ACSS1: variants seen among roughly 807,000 people sequenced by gnomAD.
ACSS1 encodes the protein acetyl-coenzyme A synthetase 2-like, mitochondrial.
In ACSS1, 42 loss-of-function variants were observed where a neutral mutation model predicts 75.3. The ratio of observed to expected loss-of-function variants is 0.56; its 90% confidence interval spans 0.44 to 0.72. The LOEUF is 0.72. ACSS1 is among the 30% of genes least tolerant of loss of function. The probability of loss-of-function intolerance (pLI) is 0.00; values close to 1 mark genes in which losing one functional copy is unlikely to be tolerated. For missense variants in ACSS1, 782 were observed against 935.7 expected (o/e 0.84, Z 2.14); for synonymous variants, 380 against 376.8 (o/e 1.01, Z -0.10).
intron 1 of ACSS1, among the ~76,000 whole-genome samples, chr20:25,057,328 G>A (rs1210137044): frequency 6.6e-6 from 1 of 152,248 alleles, no homozygotes; most frequent in Non-Finnish European, 1.5e-5. Context: ...GCAGCCCGCA[G>A]TGACAACCGC....
Position 25,025,586 on chromosome 20 carries a change from C to G in ACSS1, c.632-1945G>C, listed in dbSNP as rs1477229159. ...AGTCTCACAAGGCCAAAGTCAAGGA[C>G]AGGGCTGGCTCCTATGTGGTGGCTC... On this transcript the variant is annotated intron_variant, in intron 3 of 13. Coordinates refer to ENST00000323482, the MANE Select transcript of ACSS1 (RefSeq NM_032501.4). 2.6e-5 allele frequency among the ~76,000 whole-genome samples: 4 copies of G among 152,292 alleles called. No homozygotes were observed. In the East Asian group the frequency reaches 7.7e-4, roughly 29 times the overall value.
chr20:25,006,819 G>T lies in ACSS1; in HGVS notation c.*943C>A. The T allele has an allele frequency of 6.5e-7, 1 of 1,535,096 alleles. No homozygotes were observed. The highest frequency in any genetic ancestry group is 8.7e-7 in the Non-Finnish European group (1 of 1,146,414). ...GTTCTCACCGCCCCAACCACAGAGT[G>T]AAGGTCAGGCAGCGTTTGCCAGGAT... On this transcript the variant is annotated 3_prime_UTR_variant, in exon 14 of 14. Coordinates refer to ENST00000323482, the MANE Select transcript of ACSS1 (RefSeq NM_032501.4).
At position 25,058,037 on chromosome 20, in the gene ACSS1, C is replaced by A. The variant is rs1466348123; in HGVS notation, c.66G>T (p.Gly22=). The change falls in exon 1 of 14, where the codon GGG becomes GGT. Residue 22 remains glycine, a synonymous_variant. Coordinates refer to ENST00000323482, the MANE Select transcript of ACSS1 (RefSeq NM_032501.4). ...CCCCGCACGGCGGCCGCGCGGGCTG[C>A]CCCGAGAGCCCTCGCAGGCTGCCCA... ...RLLGSLRGLS[G]QPARPPCGVS... 1.5e-6 allele frequency: 2 copies of A among 1,359,018 alleles called. No individual in the cohort carries two copies. Among genetic ancestry groups the A allele is most frequent in the Admixed American group, 4.0e-5 (1 of 25,154 alleles). The allele number at this position is 1,359,018 out of a possible 1,614,324, so 84.2% of individuals were successfully genotyped here.
At chr20:25,015,294 G>GTTTTGTT (rs953367655) in intron 7 of ACSS1, 64 bp from the exon 8 acceptor site, 2 of 1,440,298 alleles carry the variant, frequency 1.4e-6, no homozygotes, top group Non-Finnish European at 1.9e-6. Flanking sequence ...CCAAAGGGAA[G>GTTTTGTT]TTTTGTTTTT....
intron 7 of ACSS1, among the ~76,000 whole-genome samples, chr20:25,015,440 C>T (rs1384371207): frequency 4.6e-5 from 7 of 152,120 alleles, no homozygotes; most frequent in South Asian, 2.1e-4. Flanking sequence ...GTATTACAGG[C>T]GCCTGCCACC....
chr20:25,042,316 G>A (rs748316673), intron 2 of ACSS1, among the ~76,000 whole-genome samples: 1 of 152,126 alleles, frequency 6.6e-6, no homozygotes, highest in Non-Finnish European at 1.5e-5. Flanking sequence ...AGCCCACCCC[G>A]AGTAACATGG....
Position 25,006,711 on chromosome 20 carries a change from G to T in ACSS1, c.*1051C>A. 1 of 1,154,116 alleles carries T rather than the reference G, an allele frequency of 8.7e-7. No homozygotes were observed. The highest frequency in any genetic ancestry group is 2.9e-4 in the Middle Eastern group (1 of 3,440). The allele number at this position is 1,154,116 out of a possible 1,614,324, so 71.5% of individuals were successfully genotyped here. On this transcript the variant is annotated 3_prime_UTR_variant, in exon 14 of 14. Transcript: ENST00000323482. Reference sequence around the variant, plus strand: ...CTGGCGTCGTGATTTCCATTATCTTGCTAATGTTGACAGCACCTAAGTCAC... The same window carrying T: ...CTGGCGTCGTGATTTCCATTATCTTTCTAATGTTGACAGCACCTAAGTCAC...
chr20:25,013,062 G>C (rs769188929), intron 10 of ACSS1, 123 bp from the exon 11 acceptor site: 3 of 1,424,770 alleles, frequency 2.1e-6, no homozygotes, highest in Non-Finnish European at 2.9e-6. Context: ...GGCCCTCCTT[G>C]CAACTCCGAT....
intron 1 of ACSS1, among the ~76,000 whole-genome samples, chr20:25,053,151 C>T (rs2089199177): frequency 1.3e-5 from 2 of 150,650 alleles, no homozygotes; most frequent in South Asian, 4.2e-4. Context: ...GCAACCTCCA[C>T]CTCCTGGGCT....
intron 7 of ACSS1, 47 bp from the exon 8 acceptor site, chr20:25,015,277 C>T: frequency 6.7e-7 from 1 of 1,497,182 alleles, no homozygotes; most frequent in East Asian, 2.3e-5. Context: ...TGCAAATAAA[C>T]CTGAAACCAA....
At chr20:25,046,883 G>T (rs764328526) in intron 2 of ACSS1, 1 of 779,718 alleles carries the variant, frequency 1.3e-6, no homozygotes, top group Non-Finnish European at 2.4e-6. Context: ...CTAGAGATAA[G>T]AAATGCGTGC....
chr20:25,042,516 G>T (rs557668961), intron 2 of ACSS1, among the ~76,000 whole-genome samples: 1 of 152,152 alleles, frequency 6.6e-6, no homozygotes, highest in Admixed American at 6.5e-5. Flanking sequence ...GTCACACACG[G>T]GTCAACGAGG....
intron 7 of ACSS1, among the ~76,000 whole-genome samples, chr20:25,018,680 C>A (rs2088562804): frequency 6.6e-6 from 1 of 152,202 alleles, no homozygotes; most frequent in African/African-American, 2.4e-5. Flanking sequence ...GCTCAAAGGA[C>A]TGATGTGAAG....
chr20:25,030,765 T>C lies in ACSS1; in HGVS notation c.625A>G (p.Asn209Asp), dbSNP rs1283374079. Residue 209 changes from asparagine (N) to aspartate (D), a missense_variant, in exon 3 of 14, where the codon AAT becomes GAT. This residue lies in a region of ACSS1 where 377 missense variants were observed against 383.1 expected (regional missense o/e 0.98). Transcript: ENST00000323482. Reference protein sequence around the residue: ...FSAESLAGRINDAKCKVVITF... With the variant: ...FSAESLAGRIDDAKCKVVITF... ...CCCATGCCCACCTCCTCACCATCAT[T>C]GATCCTCCCAGCCAAGGACTCTGCA... The C allele has an allele frequency of 6.2e-7, 1 of 1,613,944 alleles. No individual in the cohort carries two copies. Among genetic ancestry groups the C allele is most frequent in the Non-Finnish European group, 8.5e-7 (1 of 1,179,980 alleles).
intron 2 of ACSS1, among the ~76,000 whole-genome samples, chr20:25,044,290 C>G (rs2089050818): frequency 6.6e-6 from 1 of 152,202 alleles, no homozygotes. Context: ...CCCAGGGTCT[C>G]TAGAACCTGC....
At chr20:25,053,943 T>C (rs765865736) in intron 1 of ACSS1, among the ~76,000 whole-genome samples, 27 of 152,224 alleles carry the variant, frequency 1.8e-4, no homozygotes, top group Non-Finnish European at 3.5e-4. Context: ...CTTCCTGACA[T>C]CTTGAGTTGA....
At chr20:25,036,588 CT>C (rs1274563340) in intron 2 of ACSS1, among the ~76,000 whole-genome samples, 1 of 152,164 alleles carries the variant, frequency 6.6e-6, no homozygotes, top group Non-Finnish European at 1.5e-5. Flanking sequence ...TTGAAAGTGT[CT>C]TTTCCTCCTA....
At position 25,012,602 on chromosome 20, in the gene ACSS1, T is replaced by A. The variant is rs565829843; in HGVS notation, c.1770A>T (p.Glu590Asp). 1.2e-5 allele frequency: 19 copies of A among 1,614,192 alleles called. No homozygotes were observed. The Admixed American group carries it at 2.8e-4, about 24-fold the overall frequency. The change falls in exon 12 of 14, where the codon GAA becomes GAT. Residue 590 changes from glutamate (E) to aspartate (D), a missense_variant and splice_region_variant. This residue lies in a region of ACSS1 where 405 missense variants were observed against 552.6 expected (regional missense o/e 0.73). Transcript: ENST00000323482. ...GGAGCTCATCTCCAGGACACTCACC[T>A]TCTCCTTTGATGTCGTGGGGGTAGC... Reference protein sequence around the residue: ...VIGYPHDIKGEAAFAFIVVKD... With the variant: ...VIGYPHDIKGDAAFAFIVVKD...
intron 2 of ACSS1, among the ~76,000 whole-genome samples, chr20:25,035,540 G>A (rs1369943018): frequency 3.3e-5 from 5 of 151,952 alleles, no homozygotes; most frequent in Non-Finnish European, 7.4e-5. Flanking sequence ...TGAGTAGCTG[G>A]GACTACAGGC....
Sources: allele counts gnomAD v4.1 joint callset (sites outside exome capture counted in the v4.1 genomes callset), GRCh38; gene constraint gnomAD v4.1.1; regional missense constraint gnomAD v4.1.1; transcripts MANE v1.5; gene names NCBI Gene and HGNC (gene_info 2026-07-23, HGNC 2026-07-21).